Variants in WDFY3 observed in about 807,000 individuals in gnomAD.
The protein encoded by WDFY3 is WD repeat and FYVE domain-containing protein 3.
A neutral mutation model predicts 409.6 loss-of-function variants in WDFY3; 66 were observed. That is an observed-to-expected ratio of 0.16 (90% CI 0.13 to 0.20). WDFY3 has a LOEUF of 0.20. Among genes scored for constraint, WDFY3 ranks in the 10% least tolerant of loss-of-function variants. The probability of loss-of-function intolerance (pLI) is 1.00; values close to 1 mark genes in which losing one functional copy is unlikely to be tolerated. For missense variants in WDFY3, 3,031 were observed against 4,298.1 expected, an observed-to-expected ratio of 0.71 and a Z score of 8.24; for synonymous variants, 1,521 against 1,537.1, an observed-to-expected ratio of 0.99 and a Z score of 0.25.
At chr4:84,848,878 C>T (rs1758481256) in intron 5 of WDFY3, among the ~76,000 whole-genome samples, 2 of 152,056 alleles carry the variant, frequency 1.3e-5, no homozygotes, top group Admixed American at 6.6e-5. Context: ...AAATACATTT[C>T]CTTTTCTATA....
chr4:84,781,026 T>C (rs995921046), intron 25 of WDFY3, among the ~76,000 whole-genome samples: 1 of 152,122 alleles, frequency 6.6e-6, no homozygotes, highest in African/African-American at 2.4e-5. Flanking sequence ...AAAGTCACTT[T>C]AACTCTGTGA....
intron 2 of WDFY3, among the ~76,000 whole-genome samples, chr4:84,909,782 G>C (rs371820873): frequency 6.6e-5 from 10 of 151,906 alleles, no homozygotes; most frequent in African/African-American, 2.2e-4. Flanking sequence ...TTTTCTGCAA[G>C]CAAGACAAAT....
At position 84,826,918 on chromosome 4, in the gene WDFY3, A is replaced by G. The variant is rs2149876715; in HGVS notation, c.1020T>C (p.Thr340=). The change falls in exon 10 of 68, where the codon ACT becomes ACC. Residue 340 remains threonine, a synonymous_variant. Coordinates refer to ENST00000295888, the MANE Select transcript of WDFY3 (RefSeq NM_014991.6). The part of the protein sequence containing the change: ...DALKDLVNLI[T]SLTTYGVSEL... ...CACTGACACCATATGTTGTTAGGGA[A>G]GTTATCAGATTAACCAGATCTTTCA... 6.2e-7 allele frequency: 1 copy of G among 1,611,110 alleles called. No individual in the cohort carries two copies. The highest frequency in any genetic ancestry group is 8.5e-7 in the Non-Finnish European group (1 of 1,179,244).
At chr4:84,835,678 CCAAA>C (rs796321238) in intron 7 of WDFY3, among the ~76,000 whole-genome samples, 8 of 152,298 alleles carry the variant, frequency 5.3e-5, no homozygotes, top group African/African-American at 1.9e-4. Flanking sequence ...AGCAGCTCTA[CCAAA>C]CAGAGTCATC....
At chr4:84,676,978 T>C (rs773957388) in intron 67 of WDFY3, among the ~76,000 whole-genome samples, 1 of 152,212 alleles carries the variant, frequency 6.6e-6, no homozygotes, top group Non-Finnish European at 1.5e-5. Context: ...TTAGCATATG[T>C]GCATTCTGTG....
intron 36 of WDFY3, among the ~76,000 whole-genome samples, chr4:84,744,721 C>T (rs1739074534): frequency 1.3e-5 from 2 of 149,462 alleles, no homozygotes; most frequent in South Asian, 2.1e-4. Flanking sequence ...GGCGTAGTGG[C>T]GGGCGCCTGT....
At chr4:84,831,277 T>G (rs912720624) in intron 8 of WDFY3, 136 bp downstream of exon 8, 11 of 694,414 alleles carry the variant, frequency 1.6e-5, no homozygotes. Context: ...AAAAAATATT[T>G]TCTTTTCTCT....
chr4:84,905,471 C>T (rs1295947147), intron 2 of WDFY3, among the ~76,000 whole-genome samples: 2 of 152,206 alleles, frequency 1.3e-5, no homozygotes, highest in East Asian at 3.8e-4. Flanking sequence ...CTCCCCCACA[C>T]TCTTCATGTT....
At chr4:84,721,251 A>T (rs1734813641) in intron 47 of WDFY3, among the ~76,000 whole-genome samples, 158 bp downstream of exon 47, 1 of 152,222 alleles carries the variant, frequency 6.6e-6, no homozygotes, top group Non-Finnish European at 1.5e-5. Context: ...ACCCTTACAG[A>T]TGAGAAAAGT....
intron 27 of WDFY3, among the ~76,000 whole-genome samples, chr4:84,776,976 T>C (rs556755984): frequency 6.6e-6 from 1 of 152,022 alleles, no homozygotes; most frequent in Non-Finnish European, 1.5e-5. Context: ...GGGCTTGAAT[T>C]AAGATATAGC....
chr4:84,940,894 A>G (rs992642260), intron 1 of WDFY3, among the ~76,000 whole-genome samples: 2 of 152,070 alleles, frequency 1.3e-5, no homozygotes, highest in African/African-American at 4.8e-5. Flanking sequence ...ATAATTTACC[A>G]TTATCAATAA....
chr4:84,757,312 A>C (rs1449828719), intron 32 of WDFY3, 151 bp from the exon 33 acceptor site: 6 of 711,972 alleles, frequency 8.4e-6, no homozygotes, highest in Non-Finnish European at 1.4e-5. Flanking sequence ...CTGTTGAATT[A>C]ATCTTCAGTT....
At chr4:84,771,580 T>C (rs1340365982) in intron 30 of WDFY3, among the ~76,000 whole-genome samples, 1 of 152,222 alleles carries the variant, frequency 6.6e-6, no homozygotes, top group African/African-American at 2.4e-5. Flanking sequence ...AATGTAGTAG[T>C]TAAAAGCTTA....
At chr4:84,717,888 A>G in intron 48 of WDFY3, among the ~76,000 whole-genome samples, 1 of 151,864 alleles carries the variant, frequency 6.6e-6, no homozygotes, top group Non-Finnish European at 1.5e-5. Context: ...CTCTACTAAA[A>G]ATACAAAAAA....
chr4:84,831,696 C>T lies in WDFY3; in HGVS notation c.577-91G>A. On this transcript the variant is annotated intron_variant, in intron 7 of 67. Transcript: ENST00000295888. ...GGGCAAATGAGCTGAATGGACTGCT[C>T]TCAAAAGAAGACATAGAAATGGCCA... is the stretch of plus-strand genomic sequence containing the variant. 4 of 1,193,596 alleles carry T rather than the reference C, an allele frequency of 3.4e-6. No homozygotes were observed. The South Asian group carries it at 7.0e-5, about 21-fold the overall frequency. 73.9% of individuals were successfully genotyped at this position (1,193,596 alleles called of 1,614,324 possible). A position where few individuals can be genotyped will look rare whatever the true frequency, so the allele number is the denominator to read the frequency against.
chr4:84,822,257 TG>T (rs1754182566), intron 10 of WDFY3, among the ~76,000 whole-genome samples: 1 of 152,138 alleles, frequency 6.6e-6, no homozygotes, highest in Non-Finnish European at 1.5e-5. Context: ...ATAAGCAGCT[TG>T]CCTGTAAAAG....
chr4:84,950,713 C>T (rs963233099), intron 1 of WDFY3, among the ~76,000 whole-genome samples: 1 of 152,120 alleles, frequency 6.6e-6, no homozygotes, highest in African/African-American at 2.4e-5. Context: ...TCGTTTGAAC[C>T]CAGGAGGCGG....
At position 84,715,300 on chromosome 4, in the gene WDFY3, T is replaced by C. The variant is rs138905813; in HGVS notation, c.7959A>G (p.Gln2653=). 117 of 1,589,150 alleles carry C rather than the reference T, an allele frequency of 7.4e-5. No individual in the cohort carries two copies. The highest frequency in any genetic ancestry group is 9.5e-5 in the Non-Finnish European group (110 of 1,158,542). Reference sequence around the variant, plus strand: ...AAAGTGTTCCGAATAAACAAGACCTTTGATAGACTTTGTTTCTGATTCCTT... The same window carrying C: ...AAAGTGTTCCGAATAAACAAGACCTCTGATAGACTTTGTTTCTGATTCCTT... The part of the protein sequence containing the change: ...FQKGIRNKVY[Q]RFLAVVPSLT... Residue 2653 remains glutamine (Q), a splice_region_variant and synonymous_variant, in exon 50 of 68, where the codon CAA becomes CAG. Coordinates refer to ENST00000295888, the MANE Select transcript of WDFY3 (RefSeq NM_014991.6).
At chr4:84,817,982 G>C (rs978171840) in intron 12 of WDFY3, among the ~76,000 whole-genome samples, 1 of 152,086 alleles carries the variant, frequency 6.6e-6, no homozygotes, top group African/African-American at 2.4e-5. Context: ...ATAGTAGCAA[G>C]AAAGGAATGG....
Sources: allele counts gnomAD v4.1 joint callset (sites outside exome capture counted in the v4.1 genomes callset), GRCh38; gene constraint gnomAD v4.1.1; transcripts MANE v1.5; gene names NCBI Gene and HGNC (gene_info 2026-07-23, HGNC 2026-07-21).